The following TP63 variants were observed in gnomAD, a reference collection of about 807,000 sequenced individuals.
TP63 encodes tumor protein 63.
TP63 carries 17 observed loss-of-function variants against 82.8 expected under a neutral mutation model. The ratio of observed to expected loss-of-function variants is 0.21; its 90% CI spans 0.14 to 0.31. The LOEUF is 0.31. TP63 is among the 10% of genes least tolerant of loss of function. The pLI, the probability that TP63 is intolerant of heterozygous loss-of-function variation, is 1.00. For synonymous variants in TP63, 330 were observed against 321.7 expected (o/e 1.03, Z -0.28); for missense variants, 648 against 895.3 (o/e 0.72, Z 3.52).
At chr3:189,616,958 C>A in the TP63 span, among the ~76,000 whole-genome samples, 1 of 152,134 alleles carries the variant, frequency 6.6e-6, no homozygotes, top group Non-Finnish European at 1.5e-5. Context: ...TGGACCAGAG[C>A]ATTAGGCATA....
intron 3 of TP63, among the ~76,000 whole-genome samples, chr3:189,754,904 T>G (rs1390543825): frequency 6.6e-6 from 1 of 152,154 alleles, no homozygotes; most frequent in South Asian, 2.1e-4. Flanking sequence ...TCCACTTTTT[T>G]GGTTACCCAG....
chr3:189,694,790 C>CCTTTT (rs1717224797), intron 1 of TP63, among the ~76,000 whole-genome samples: 1 of 32,730 alleles, frequency 3.1e-5, no homozygotes, highest in Non-Finnish European at 5.4e-5. Flanking sequence ...TATTTACAGC[C>CCTTTT]TTTTTTTTTT....
chr3:189,863,336 A>G (rs1272236968), intron 4 of TP63, among the ~76,000 whole-genome samples: 1 of 152,184 alleles, frequency 6.6e-6, no homozygotes, highest in Non-Finnish European at 1.5e-5. Flanking sequence ...GGTTTACTAT[A>G]GTGTAAGGAT....
Position 189,774,355 on chromosome 3 carries a change from C to T in TP63, c.325-33917C>T, listed in dbSNP as rs566527736. Among the ~76,000 whole-genome samples the T allele has an allele frequency of 1.8e-3, 272 of 152,296 alleles. 4 individuals carry two copies. Among genetic ancestry groups the T allele is most frequent in the Non-Finnish European group, 6.6e-4 (45 of 68,008 alleles). Reference sequence around the variant, plus strand: ...TGCTTTCTTCCAACGAACTGCATTTCCTGTAGAACACAAATTTTATACTTG... The same window carrying T: ...TGCTTTCTTCCAACGAACTGCATTTTCTGTAGAACACAAATTTTATACTTG... On this transcript the variant is annotated intron_variant, in intron 3 of 13. Transcript: ENST00000264731.
At chr3:189,878,125 A>T (rs894688211) in intron 10 of TP63, among the ~76,000 whole-genome samples, 1 of 151,940 alleles carries the variant, frequency 6.6e-6, no homozygotes, top group East Asian at 1.9e-4. Context: ...GAATATTGAT[A>T]TTTTTTTCTC....
chr3:189,701,478 G>A (rs1370846874), intron 1 of TP63, among the ~76,000 whole-genome samples: 1 of 147,348 alleles, frequency 6.8e-6, no homozygotes, highest in Admixed American at 6.8e-5. Context: ...TGGAGATAAG[G>A]GTGTATGAGA....
intron 4 of TP63, among the ~76,000 whole-genome samples, chr3:189,835,928 A>AATG (rs1365882016): frequency 2.9e-5 from 2 of 70,144 alleles, no homozygotes; most frequent in African/African-American, 7.0e-5. Context: ...TAATAATAAT[A>AATG]ATAATAATAA....
intron 4 of TP63, among the ~76,000 whole-genome samples, chr3:189,821,588 T>G (rs980880242): frequency 2.6e-5 from 4 of 152,256 alleles, no homozygotes; most frequent in African/African-American, 9.6e-5. Context: ...TATATTTTCC[T>G]AAGCCTCGCT....
chr3:189,734,905 C>T (rs929602556), intron 1 of TP63, among the ~76,000 whole-genome samples: 2 of 152,018 alleles, frequency 1.3e-5, no homozygotes, highest in Non-Finnish European at 2.9e-5. Flanking sequence ...TCTCTCCACA[C>T]TAGCTCCTTC....
intron 1 of TP63, among the ~76,000 whole-genome samples, chr3:189,670,724 G>C (rs558248339): frequency 1.3e-5 from 2 of 152,152 alleles, no homozygotes; most frequent in East Asian, 3.9e-4. Flanking sequence ...CGGTGGGACA[G>C]AACAGAGAAC....
chr3:189,817,894 G>A lies in TP63; in HGVS notation c.579+9368G>A, dbSNP rs190272668. On this transcript the variant is annotated intron_variant, in intron 4 of 13. Transcript: ENST00000264731. Reference sequence around the variant, plus strand: ...TTTAAAATGCAGTCATCTTTACTGGGTCATGAGAAGAAAAATTTACTCCAT... The same window carrying A: ...TTTAAAATGCAGTCATCTTTACTGGATCATGAGAAGAAAAATTTACTCCAT... Among the ~76,000 whole-genome samples the A allele has an allele frequency of 5.2e-3, 783 of 151,528 alleles. 4 individuals carry two copies. Among genetic ancestry groups the A allele is most frequent in the Non-Finnish European group, 8.4e-3 (572 of 67,832 alleles).
intron 1 of TP63, among the ~76,000 whole-genome samples, chr3:189,705,572 C>T (rs1422476707): frequency 6.6e-6 from 1 of 152,118 alleles, no homozygotes; most frequent in Non-Finnish European, 1.5e-5. Flanking sequence ...GCAGCCTTCT[C>T]ACCTAGACGG....
At chr3:189,646,517 A>C (rs1712437658) in intron 1 of TP63, among the ~76,000 whole-genome samples, 1 of 147,448 alleles carries the variant, frequency 6.8e-6, no homozygotes, top group African/African-American at 2.5e-5. Context: ...CATTATAGCT[A>C]ACATTGAGTC....
intron 4 of TP63, among the ~76,000 whole-genome samples, chr3:189,846,682 CTTTTTTTTT>C (rs1204688713): frequency 7.1e-5 from 5 of 70,640 alleles, no homozygotes; most frequent in Admixed American, 6.6e-4. Context: ...TTTCCACATT[CTTTTTTTTT>C]TTTTTTTTTT....
intron 3 of TP63, among the ~76,000 whole-genome samples, chr3:189,744,199 T>TGACAC (rs148355111): frequency 0.015 from 2,302 of 152,262 alleles, 72 homozygotes; most frequent in African/African-American, 0.051. Flanking sequence ...AGAGTAGCAG[T>TGACAC]GACACATTTT....
chr3:189,769,629 A>G (rs896276276), intron 3 of TP63, among the ~76,000 whole-genome samples: 26 of 152,236 alleles, frequency 1.7e-4, no homozygotes, highest in Non-Finnish European at 3.1e-4. Context: ...AATATAGCCA[A>G]TAAATGGTTT....
chr3:189,627,420 A>G (rs188159121), upstream of TP63, among the ~76,000 whole-genome samples: 57 of 152,310 alleles, frequency 3.7e-4, no homozygotes, highest in Admixed American at 9.8e-4. Context: ...CAATGAGCAA[A>G]AAAAATCCAG....
intron 1 of TP63, among the ~76,000 whole-genome samples, chr3:189,661,216 G>C (rs1298662770): frequency 1.3e-5 from 2 of 151,920 alleles, no homozygotes; most frequent in South Asian, 2.1e-4. Flanking sequence ...GTTTGCCGTA[G>C]ATCACTCTTA....
At chr3:189,745,639 G>A (rs1006413053) in intron 3 of TP63, among the ~76,000 whole-genome samples, 3 of 147,736 alleles carry the variant, frequency 2.0e-5, no homozygotes, top group Admixed American at 7.0e-5. Context: ...CCCAGGAGGC[G>A]GAGGTTGCAG....
Sources: gnomAD v4.1 joint callset for allele counts (sites outside exome capture counted in the v4.1 genomes callset) on GRCh38, gnomAD v4.1.1 for gene constraint, MANE v1.5 for transcripts, NCBI Gene and HGNC (gene_info 2026-07-23, HGNC 2026-07-21) for gene names.